The following BRCA1 variants were observed in gnomAD, a reference collection of about 807,000 sequenced individuals.
BRCA1 encodes the protein breast cancer type 1 susceptibility protein.
BRCA1 carries 140 observed loss-of-function variants against 173.7 expected under a neutral mutation model. That is an observed-to-expected ratio of 0.81 (90% CI 0.70 to 0.93). BRCA1 has a LOEUF of 0.93. BRCA1 is among the 40% of genes least tolerant of loss of function. BRCA1 has a pLI of 0.00. For missense variants in BRCA1, 1,983 were observed against 2,172.5 expected, an observed-to-expected ratio of 0.91 and a Z score of 1.73; for synonymous variants, 662 against 756.0, an observed-to-expected ratio of 0.88 and a Z score of 2.04.
At chr17:43,121,741 A>G (rs1343121635) in intron 2 of BRCA1, among the ~76,000 whole-genome samples, 1 of 152,010 alleles carries the variant, frequency 6.6e-6, no homozygotes, top group African/African-American at 2.4e-5. Flanking sequence ...AGAAAAAAGC[A>G]ATGAAAAGCT....
chr17:43,051,781 C>T (rs867800473), intron 19 of BRCA1, among the ~76,000 whole-genome samples: 1 of 151,852 alleles, frequency 6.6e-6, no homozygotes, highest in Non-Finnish European at 1.5e-5. Flanking sequence ...GGATTACAGG[C>T]GCGCACCACC....
chr17:43,086,026 G>A (rs1003004800), intron 11 of BRCA1, among the ~76,000 whole-genome samples: 1 of 151,606 alleles, frequency 6.6e-6, no homozygotes, highest in Non-Finnish European at 1.5e-5. Flanking sequence ...CAGAAAACTT[G>A]AAGCAACTTT....
At chr17:43,114,074 CAA>C (rs541592598) in intron 3 of BRCA1, among the ~76,000 whole-genome samples, 9 of 135,348 alleles carry the variant, frequency 6.6e-5, no homozygotes, top group Admixed American at 7.5e-5. Context: ...AACACCATCT[CAA>C]AAAAAAAAAA....
chr17:43,145,583 C>T (rs1404327936), intron 1 of BRCA1, among the ~76,000 whole-genome samples: 2 of 152,300 alleles, frequency 1.3e-5, no homozygotes, highest in East Asian at 1.9e-4. Flanking sequence ...GCCTCGGCCT[C>T]CCAAAGTGCT....
intron 6 of BRCA1, among the ~76,000 whole-genome samples, chr17:43,103,386 G>A (rs1315452083): frequency 1.3e-5 from 2 of 151,266 alleles, no homozygotes; most frequent in African/African-American, 4.9e-5. Flanking sequence ...AGAATCACTT[G>A]AACCTGGGAG....
intron 16 of BRCA1, 79 bp from the exon 17 acceptor site, chr17:43,064,030 TC>T: frequency 7.8e-7 from 1 of 1,275,884 alleles, no homozygotes; most frequent in Non-Finnish European, 1.1e-6. Context: ...CTAAAGAGCC[TC>T]AGTTTTTTAC....
At chr17:43,100,673 T>C (rs1166915543) in intron 6 of BRCA1, among the ~76,000 whole-genome samples, 8 of 16,338 alleles carry the variant, frequency 4.9e-4, no homozygotes, top group African/African-American at 9.1e-4. Context: ...TATATATATA[T>C]ATATAATATA....
chr17:43,117,565 G>A (rs912066606), intron 2 of BRCA1, among the ~76,000 whole-genome samples: 1 of 152,008 alleles, frequency 6.6e-6, no homozygotes, highest in Non-Finnish European at 1.5e-5. Flanking sequence ...ACAGTGAAAC[G>A]CTGTCTCTAC....
At chr17:43,134,903 C>G (rs765523214) in intron 1 of BRCA1, among the ~76,000 whole-genome samples, 1 of 152,236 alleles carries the variant, frequency 6.6e-6, no homozygotes, top group East Asian at 1.9e-4. Context: ...GAGCACAGGA[C>G]GCCCAGGCCG....
intron 15 of BRCA1, among the ~76,000 whole-genome samples, 181 bp downstream of exon 15, chr17:43,070,747 C>T (rs376407330): frequency 1.7e-4 from 26 of 152,290 alleles, no homozygotes; most frequent in African/African-American, 6.3e-4. Flanking sequence ...AAATAATCCA[C>T]ACTATAGCTT....
At chr17:43,100,338 CTTTT>C (rs147182130) in intron 6 of BRCA1, among the ~76,000 whole-genome samples, 1 of 145,588 alleles carries the variant, frequency 6.9e-6, no homozygotes, top group African/African-American at 2.5e-5. Context: ...CATCTGATAA[CTTTT>C]TTTTTTGTTT....
At chr17:43,109,622 T>G (rs1398448237) in intron 3 of BRCA1, among the ~76,000 whole-genome samples, 1 of 152,148 alleles carries the variant, frequency 6.6e-6, no homozygotes, top group Non-Finnish European at 1.5e-5. Flanking sequence ...TAAGTACCTT[T>G]AAAACTCAGA....
intron 1 of BRCA1, among the ~76,000 whole-genome samples, chr17:43,135,034 C>T (rs903842113): frequency 5.9e-5 from 9 of 152,202 alleles, no homozygotes; most frequent in East Asian, 1.9e-4. Context: ...GCCATGGTTT[C>T]GTTGTGGGTG....
At chr17:43,090,900 G>T in intron 11 of BRCA1, 44 bp downstream of exon 11, 1 of 1,528,226 alleles carries the variant, frequency 6.5e-7, no homozygotes. Context: ...TGAATGCAAA[G>T]GACACCACAC....
intron 4 of BRCA1, among the ~76,000 whole-genome samples, chr17:43,106,191 G>C (rs370254862): frequency 1.3e-5 from 2 of 151,648 alleles, no homozygotes; most frequent in East Asian, 1.9e-4. Context: ...ATGGGGGCAC[G>C]GCGATACAGC....
intron 1 of BRCA1, among the ~76,000 whole-genome samples, chr17:43,132,274 A>G (rs2055973767): frequency 1.3e-5 from 2 of 151,722 alleles, no homozygotes; most frequent in Admixed American, 1.3e-4. Context: ...CAATTTAGAA[A>G]TTTCTGTCTT....
chr17:43,105,057 C>G (rs990178053), intron 4 of BRCA1, 101 bp from the exon 5 acceptor site: 1 of 948,476 alleles, frequency 1.1e-6, no homozygotes, highest in Non-Finnish European at 1.7e-6. Flanking sequence ...AAATAAGATG[C>G]AGCAACAGTA....
intron 19 of BRCA1, among the ~76,000 whole-genome samples, chr17:43,056,518 C>A (rs2051463641): frequency 6.6e-6 from 1 of 152,064 alleles, no homozygotes; most frequent in Admixed American, 6.6e-5. Flanking sequence ...ATTGGCTGGG[C>A]ACGGTGGCTC....
At chr17:43,058,019 CAAAA>C (rs68106056) in intron 18 of BRCA1, among the ~76,000 whole-genome samples, 2 of 34,494 alleles carry the variant, frequency 5.8e-5, no homozygotes, top group South Asian at 2.5e-3. Flanking sequence ...AACTCTGTCT[CAAAA>C]AAAAAAAAAA....
Sources: allele counts gnomAD v4.1 joint callset (sites outside exome capture counted in the v4.1 genomes callset), GRCh38; gene constraint gnomAD v4.1.1; transcripts MANE v1.5; gene names NCBI Gene and HGNC (gene_info 2026-07-23, HGNC 2026-07-21).